Variants in KDM2A observed in about 807,000 individuals in gnomAD.
KDM2A encodes the protein lysine-specific demethylase 2A.
In KDM2A, 3 loss-of-function variants were observed where a neutral mutation model predicts 137.3. The observed-to-expected ratio is 0.02, with a 90% confidence interval of 0.01 to 0.06. The LOEUF is 0.06. Ranked by LOEUF, KDM2A falls within the 10% of genes least tolerant of loss-of-function variation. The probability of loss-of-function intolerance (pLI) is 1.00; values close to 1 mark genes in which losing one functional copy is unlikely to be tolerated. For synonymous variants in KDM2A, 512 were observed against 541.5 expected (o/e 0.95, Z 0.76); for missense variants, 738 against 1,510.6 (o/e 0.49, Z 8.48).
At chr11:67,183,203 C>A (rs554906331) in intron 5 of KDM2A, among the ~76,000 whole-genome samples, 7 of 152,272 alleles carry the variant, frequency 4.6e-5, no homozygotes, top group Admixed American at 3.9e-4. Flanking sequence ...TCAGTAAATC[C>A]GTTGAATAAT....
intron 2 of KDM2A, among the ~76,000 whole-genome samples, chr11:67,127,855 C>T (rs1281735138): frequency 6.6e-6 from 1 of 151,926 alleles, no homozygotes; most frequent in Non-Finnish European, 1.5e-5. Flanking sequence ...TACAGGCATG[C>T]ACCACCATGC....
intron 5 of KDM2A, among the ~76,000 whole-genome samples, chr11:67,201,199 A>AT (rs1394499741): frequency 3.6e-4 from 30 of 83,326 alleles, no homozygotes; most frequent in African/African-American, 1.2e-3. Context: ...GTCTCAAAAA[A>AT]AAAAATATAT....
At chr11:67,175,456 G>A (rs558784966) in intron 2 of KDM2A, among the ~76,000 whole-genome samples, 13 of 152,258 alleles carry the variant, frequency 8.5e-5, no homozygotes, top group Non-Finnish European at 1.8e-4. Context: ...ACACACACAC[G>A]TAATTTTCAC....
chr11:67,161,788 A>G (rs1484129155), intron 2 of KDM2A, among the ~76,000 whole-genome samples: 2 of 152,202 alleles, frequency 1.3e-5, no homozygotes, highest in Non-Finnish European at 2.9e-5. Flanking sequence ...TCATTCTCTA[A>G]TAAGTGTAGA....
intron 12 of KDM2A, among the ~76,000 whole-genome samples, chr11:67,242,430 A>G (rs1214805908): frequency 6.6e-6 from 1 of 152,164 alleles, no homozygotes; most frequent in East Asian, 1.9e-4. Flanking sequence ...GTATTAGCAA[A>G]TCATTTTTAT....
At chr11:67,236,886 C>T (rs145318301) in intron 12 of KDM2A, among the ~76,000 whole-genome samples, 110 of 152,228 alleles carry the variant, frequency 7.2e-4, no homozygotes, top group African/African-American at 2.5e-3. Context: ...GCAGACATGC[C>T]GTGGTCCTAG....
intron 2 of KDM2A, among the ~76,000 whole-genome samples, chr11:67,123,131 G>C (rs1855636985): frequency 6.6e-6 from 1 of 151,862 alleles, no homozygotes; most frequent in Non-Finnish European, 1.5e-5. Flanking sequence ...CACCATGCCA[G>C]GGTAATTTTC....
chr11:67,246,622 G>A (rs1859218395), intron 15 of KDM2A, among the ~76,000 whole-genome samples: 1 of 152,022 alleles, frequency 6.6e-6, no homozygotes, highest in African/African-American at 2.4e-5. Flanking sequence ...CAGCCTCAGA[G>A]ATTGAGTCCA....
intron 17 of KDM2A, among the ~76,000 whole-genome samples, chr11:67,252,020 ATGT>A (rs938918666): frequency 2.0e-5 from 3 of 152,138 alleles, no homozygotes; most frequent in African/African-American, 7.2e-5. Context: ...TGAAGCCAGC[ATGT>A]TGTGGTTTGT....
At chr11:67,202,740 C>T (rs554393501) in intron 5 of KDM2A, among the ~76,000 whole-genome samples, 1 of 151,910 alleles carries the variant, frequency 6.6e-6, no homozygotes, top group African/African-American at 2.4e-5. Flanking sequence ...CGCGCCACTA[C>T]GCTCCAGCCT....
chr11:67,242,757 C>T (rs1268356311), intron 12 of KDM2A, among the ~76,000 whole-genome samples: 1 of 152,186 alleles, frequency 6.6e-6, no homozygotes, highest in Non-Finnish European at 1.5e-5. Context: ...TCCCACCTCT[C>T]ACAGGCATGA....
chr11:67,138,588 C>T (rs1305591416), intron 2 of KDM2A, among the ~76,000 whole-genome samples: 2 of 152,136 alleles, frequency 1.3e-5, no homozygotes. Context: ...CGAGACCAGC[C>T]TGACCAACAT....
At chr11:67,178,911 T>C (rs917822334) in intron 2 of KDM2A, among the ~76,000 whole-genome samples, 2 of 152,220 alleles carry the variant, frequency 1.3e-5, no homozygotes, top group African/African-American at 4.8e-5. Flanking sequence ...CTTTGGGTTA[T>C]ATACCTAGGA....
chr11:67,169,113 G>A (rs776747524), intron 2 of KDM2A, among the ~76,000 whole-genome samples: 2 of 150,480 alleles, frequency 1.3e-5, no homozygotes, highest in Non-Finnish European at 3.0e-5. Flanking sequence ...CTGCCACCGC[G>A]CCTGGCCAAT....
chr11:67,183,132 C>CATCT (rs1857127229), intron 5 of KDM2A, among the ~76,000 whole-genome samples: 1 of 152,208 alleles, frequency 6.6e-6, no homozygotes. Flanking sequence ...AAACCCTGGC[C>CATCT]ATCTGCCTGT....
At chr11:67,131,873 T>C (rs1395007172) in intron 2 of KDM2A, 1 of 152,206 alleles carries the variant, frequency 6.6e-6, no homozygotes, top group Non-Finnish European at 1.5e-5. Context: ...AAAACGGCAG[T>C]ATTGTGCAGT....
chr11:67,193,615 C>T (rs902034052), intron 5 of KDM2A, among the ~76,000 whole-genome samples: 1 of 152,044 alleles, frequency 6.6e-6, no homozygotes, highest in East Asian at 1.9e-4. Flanking sequence ...AATCCCGGCA[C>T]TTTGGGAGGC....
rs555637620 is a variant in KDM2A, at chr11:67,126,524, A to G, written c.42+5166A>G. Among the ~76,000 whole-genome samples, 4 of 151,992 alleles carry G rather than the reference A, an allele frequency of 2.6e-5. No homozygotes were observed. The South Asian group carries it at 8.3e-4, about 32-fold the overall frequency. ...GCAGTTTGAGACCAGCCTGACCAAC[A>G]AGGTGGAACCCTGTCTCTACTAAAA... On this transcript the variant is annotated intron_variant, in intron 2 of 20. Transcript: ENST00000529006.
chr11:67,223,336 A>G (rs1224917613), intron 10 of KDM2A, among the ~76,000 whole-genome samples: 7 of 152,074 alleles, frequency 4.6e-5, no homozygotes, highest in Non-Finnish European at 1.0e-4. Context: ...AGTTACGAGT[A>G]AAAACTCAAA....
Sources: allele counts gnomAD v4.1 joint callset (sites outside exome capture counted in the v4.1 genomes callset), GRCh38; gene constraint gnomAD v4.1.1; transcripts MANE v1.5; gene names NCBI Gene and HGNC (gene_info 2026-07-23, HGNC 2026-07-21).